Variants in DGKB observed in about 807,000 individuals in gnomAD.
DGKB encodes diacylglycerol kinase beta, also known as 90 kDa diacylglycerol kinase.
A neutral mutation model predicts 114.3 loss-of-function variants in DGKB; 67 were observed. The ratio of observed to expected loss-of-function variants is 0.59; its 90% CI spans 0.48 to 0.72. DGKB has a LOEUF of 0.72. Among genes scored for constraint, DGKB ranks in the 30% least tolerant of loss-of-function variants. DGKB has a pLI of 0.00. For synonymous variants in DGKB, 398 were observed against 323.1 expected, an observed-to-expected ratio of 1.23 and a Z score of -2.49; for missense variants, 907 against 975.2, an observed-to-expected ratio of 0.93 and a Z score of 0.93.
intron 2 of DGKB, among the ~76,000 whole-genome samples, chr7:14,767,334 G>A (rs1323310219): frequency 6.6e-6 from 1 of 151,832 alleles, no homozygotes; most frequent in Non-Finnish European, 1.5e-5. Context: ...TAAGTAGGAA[G>A]GCAGATTGAC....
chr7:14,508,611 G>C (rs1367971603), intron 20 of DGKB, among the ~76,000 whole-genome samples: 1 of 151,934 alleles, frequency 6.6e-6, no homozygotes, highest in East Asian at 1.9e-4. Flanking sequence ...AAGGCTCCCA[G>C]AATCTCTACA....
In DGKB at chr7:14,166,245, A is replaced by T. The variant is rs143563397; in HGVS notation, c.2304+10594T>A. On this transcript the variant is annotated intron_variant, in intron 25 of 25. Coordinates refer to ENST00000402815, the MANE Select transcript of DGKB (RefSeq NM_001350709.2). ...TTAATCTTATAAGTGGGTAAAAACAACTAAACTTTTTTGGTCAATTATTTT... is the reference window on the plus strand; with the variant it reads ...TTAATCTTATAAGTGGGTAAAAACATCTAAACTTTTTTGGTCAATTATTTT... 7.5e-3 allele frequency among the ~76,000 whole-genome samples: 1,144 copies of T among 152,302 alleles called. 14 individuals are homozygous for T. The highest frequency in any genetic ancestry group is 0.026 in the African/African-American group (1,082 of 41,552).
chr7:14,485,913 A>G (rs930894440), intron 20 of DGKB, among the ~76,000 whole-genome samples: 5 of 150,922 alleles, frequency 3.3e-5, no homozygotes, highest in African/African-American at 1.2e-4. Flanking sequence ...AAAAATAGGG[A>G]CACCTTTGTA....
At chr7:14,757,456 G>A (rs1238827454) in intron 3 of DGKB, among the ~76,000 whole-genome samples, 199 bp downstream of exon 3, 2 of 150,956 alleles carry the variant, frequency 1.3e-5, no homozygotes, top group African/African-American at 4.9e-5. Flanking sequence ...ATGATACATG[G>A]TAAATGGTTT....
chr7:14,796,084 A>G (rs1160111163), intron 2 of DGKB, among the ~76,000 whole-genome samples: 1 of 152,170 alleles, frequency 6.6e-6, no homozygotes, highest in Non-Finnish European at 1.5e-5. Context: ...AATTTATGGT[A>G]AAGCTTGGGT....
At chr7:14,959,039 T>C (rs1786685755) in intron 1 of DGKB, among the ~76,000 whole-genome samples, 1 of 152,086 alleles carries the variant, frequency 6.6e-6, no homozygotes, top group Non-Finnish European at 1.5e-5. Flanking sequence ...TGATTTGGTG[T>C]TTTATATGAT....
intron 1 of DGKB, among the ~76,000 whole-genome samples, chr7:14,845,106 CAAAAAAAAAAAAAA>C (rs59367496): frequency 1.3e-4 from 12 of 89,240 alleles, no homozygotes; most frequent in South Asian, 3.7e-4. Flanking sequence ...GGCCCTGTGT[CAAAAAAAAAAAAAA>C]AAAAAAAAAA....
At chr7:14,643,326 G>A (rs777243082) in intron 13 of DGKB, among the ~76,000 whole-genome samples, 1 of 147,690 alleles carries the variant, frequency 6.8e-6, no homozygotes, top group Non-Finnish European at 1.5e-5. Context: ...AGTGCAGAGA[G>A]TTTCCTGGAG....
chr7:14,195,524 G>A (rs541853660), intron 23 of DGKB, among the ~76,000 whole-genome samples: 52 of 152,174 alleles, frequency 3.4e-4, no homozygotes, highest in African/African-American at 1.1e-3. Flanking sequence ...ATGTAATACA[G>A]GGCAGTGCCA....
chr7:14,220,181 TATGTAAGC>T (rs1584531241), intron 23 of DGKB, among the ~76,000 whole-genome samples: 1 of 151,766 alleles, frequency 6.6e-6, no homozygotes, highest in East Asian at 1.9e-4. Context: ...GGTATCTCTG[TATGTAAGC>T]ATGTCAAAAC....
intron 23 of DGKB, among the ~76,000 whole-genome samples, chr7:14,184,672 C>T (rs1314397412): frequency 1.3e-5 from 2 of 151,984 alleles, no homozygotes; most frequent in Non-Finnish European, 2.9e-5. Flanking sequence ...CCCTGCCCTC[C>T]TCCTGATTGT....
chr7:14,311,651 C>G (rs1013873722), intron 23 of DGKB, among the ~76,000 whole-genome samples: 14 of 152,200 alleles, frequency 9.2e-5, no homozygotes, highest in African/African-American at 3.4e-4. Context: ...GTTTCAAACT[C>G]CCGGGCTCAA....
At chr7:14,912,701 G>A (rs1293250350) in intron 1 of DGKB, among the ~76,000 whole-genome samples, 1 of 152,136 alleles carries the variant, frequency 6.6e-6, no homozygotes, top group Non-Finnish European at 1.5e-5. Flanking sequence ...GCTAAATATT[G>A]TCGTGAAAAT....
chr7:14,149,382 T>A (rs1781850603), intron 25 of DGKB, 144 bp from the exon 26 acceptor site: 2 of 602,942 alleles, frequency 3.3e-6, no homozygotes, highest in Admixed American at 6.8e-5. Flanking sequence ...AATTTCAGAG[T>A]TTCTATTATT....
chr7:14,887,884 T>G (rs993590469), intron 1 of DGKB, among the ~76,000 whole-genome samples: 1 of 151,770 alleles, frequency 6.6e-6, no homozygotes, highest in Admixed American at 6.6e-5. Context: ...AATATATTTG[T>G]GAAATTACGT....
intron 13 of DGKB, among the ~76,000 whole-genome samples, chr7:14,651,224 T>A (rs553131428): frequency 1.3e-5 from 2 of 152,100 alleles, no homozygotes; most frequent in Non-Finnish European, 2.9e-5. Flanking sequence ...ATATCCTTGA[T>A]GAACATTGAT....
chr7:14,693,997 T>A, intron 9 of DGKB, 78 bp downstream of exon 9: 4 of 1,495,644 alleles, frequency 2.7e-6, no homozygotes, highest in Non-Finnish European at 3.6e-6. Flanking sequence ...AATGGTCACA[T>A]CAATCTGTAA....
intron 23 of DGKB, among the ~76,000 whole-genome samples, chr7:14,205,556 T>A (rs1329667139): frequency 3.9e-5 from 6 of 152,110 alleles, no homozygotes; most frequent in African/African-American, 1.4e-4. Context: ...TTTTAAAAAA[T>A]AAGTGGATTC....
chr7:14,499,446 CATT>C (rs1785791646), intron 20 of DGKB, among the ~76,000 whole-genome samples: 1 of 151,710 alleles, frequency 6.6e-6, no homozygotes, highest in African/African-American at 2.4e-5. Context: ...TCCACAAAAA[CATT>C]ATTGGCTATC....
Sources: gnomAD v4.1 joint callset for allele counts (sites outside exome capture counted in the v4.1 genomes callset) on GRCh38, gnomAD v4.1.1 for gene constraint, MANE v1.5 for transcripts, NCBI Gene and HGNC (gene_info 2026-07-23, HGNC 2026-07-21) for gene names.